The following INPP5E variants were observed in gnomAD, a reference collection of about 807,000 sequenced individuals.
INPP5E encodes inositol polyphosphate-5-phosphatase E, also known as phosphatidylinositol polyphosphate 5-phosphatase type IV.
INPP5E carries 34 observed loss-of-function variants against 50.5 expected under a neutral mutation model. The ratio of observed to expected loss-of-function variants is 0.67; its 90% CI spans 0.51 to 0.90. The LOEUF (loss-of-function observed/expected upper bound fraction) is 0.90, where lower values mean the gene tolerates loss of function less well. INPP5E is among the 40% of genes least tolerant of loss of function. INPP5E has a pLI of 0.00. For synonymous variants in INPP5E, 447 were observed against 406.0 expected (o/e 1.10, Z -1.21); for missense variants, 942 against 905.5 (o/e 1.04, Z -0.52).
chr9:136,429,185 A>C lies in INPP5E; in HGVS notation c.*490T>G. ...AGGTCTGAGGCCCCAGGGGTCACCT[A>C]GCCCAGATCCAGCCTTGCTCTGGAT... On this transcript the variant is annotated 3_prime_UTR_variant, in exon 10 of 10. Coordinates refer to ENST00000371712, the MANE Select transcript of INPP5E (RefSeq NM_019892.6). The C allele has an allele frequency of 4.3e-6, 1 of 233,100 alleles. No homozygotes were observed. The highest frequency in any genetic ancestry group is 8.7e-6 in the Non-Finnish European group (1 of 115,552). The allele number at this position is 233,100 out of a possible 1,614,324, so 14.4% of individuals were successfully genotyped here.
chr9:136,429,187 C>G lies in INPP5E; in HGVS notation c.*488G>C, dbSNP rs971437889. 1.2e-5 allele frequency: 3 copies of G among 241,514 alleles called. No individual in the cohort carries two copies. The East Asian group carries it at 2.9e-4, about 23-fold the overall frequency. 15.0% of individuals were successfully genotyped at this position (241,514 alleles called of 1,614,324 possible). ...GTCTGAGGCCCCAGGGGTCACCTAGCCCAGATCCAGCCTTGCTCTGGATAC... is the reference window on the plus strand; with the variant it reads ...GTCTGAGGCCCCAGGGGTCACCTAGGCCAGATCCAGCCTTGCTCTGGATAC... On this transcript the variant is annotated 3_prime_UTR_variant, in exon 10 of 10. Transcript: ENST00000371712.
rs1233289408 is a variant in INPP5E, at chr9:136,439,778, G to GGTA, written c.-362_-360dup. On this transcript the variant is annotated 5_prime_UTR_variant, in exon 1 of 10. Coordinates refer to ENST00000371712, the MANE Select transcript of INPP5E (RefSeq NM_019892.6). ...GGCTCGCAGACTCCGAAGTCGACCC[G>GGTA]GTACTCGCGGAGGCCCGGCCGCCCA... is the stretch of plus-strand genomic sequence containing the variant. 1 of 182,182 alleles carries GGTA rather than the reference G, an allele frequency of 5.5e-6. No homozygotes were observed. Among genetic ancestry groups the GGTA allele is most frequent in the Non-Finnish European group, 1.1e-5 (1 of 88,498 alleles). 11.3% of individuals were successfully genotyped at this position (182,182 alleles called of 1,614,324 possible).
chr9:136,437,766 TG>T, intron 1 of INPP5E: 1 of 152,606 alleles, frequency 6.6e-6, no homozygotes, highest in Non-Finnish European at 1.5e-5. Context: ...ACCATGGCAG[TG>T]GGGTGGGGGG....
intron 1 of INPP5E, 59 bp downstream of exon 1, chr9:136,438,549 G>A: frequency 7.0e-7 from 1 of 1,420,160 alleles, no homozygotes; most frequent in Non-Finnish European, 9.7e-7. Context: ...CGAGGTTCCA[G>A]CAGCCTGAAC....
chr9:136,432,129 C>A (rs1244981069), intron 6 of INPP5E, 144 bp from the exon 7 acceptor site: 2 of 1,000,346 alleles, frequency 2.0e-6, no homozygotes, highest in East Asian at 2.6e-5. Context: ...GGGTGGGATT[C>A]GCACTGGGAC....
Position 136,439,766 on chromosome 9 carries a change from C to T in INPP5E, c.-347G>A, listed in dbSNP as rs886063716. ...CACCCCTGGCTGGGCTCGCAGACTC[C>T]GAAGTCGACCCGGTACTCGCGGAGG... On this transcript the variant is annotated 5_prime_UTR_variant, in exon 1 of 10. Transcript: ENST00000371712. 5.1e-4 allele frequency: 100 copies of T among 197,806 alleles called. No homozygotes were observed. Among genetic ancestry groups the T allele is most frequent in the Middle Eastern group, 1.6e-3 (1 of 634 alleles). 12.3% of individuals were successfully genotyped at this position (197,806 alleles called of 1,614,324 possible).
At position 136,438,597 on chromosome 9, in the gene INPP5E, GCCCT is replaced by G. The variant is rs5901103; in HGVS notation, c.812+7_812+10del. ...GCGGCGCGGGCGCTGCACCCGCCAG[GCCCT>G]CCCTACCTGCTGCGGACGTCCTTGC... On this transcript the variant is annotated splice_region_variant and intron_variant, in intron 1 of 9. Transcript: ENST00000371712. 0.93 allele frequency: 1,438,073 copies of G among 1,550,996 alleles called. 667,162 individuals are homozygous for G. Among genetic ancestry groups the G allele is most frequent in the East Asian group, 1 (41,194 of 41,208 alleles).
In INPP5E at chr9:136,439,314, C is replaced by T; in HGVS notation, c.106G>A (p.Ala36Thr). Residue 36 changes from alanine (A) to threonine (T), a missense_variant, in exon 1 of 10, where the codon GCG (alanine) becomes ACG (threonine). Transcript: ENST00000371712. ...CCCGGAGCATCGGGTGGGGACCCCG[C>T]GCGCTGGGCCGGCGGAGCGCCGGGA... ...QLPGAPPAQR[A>T]GSPPDAPGSE... 1 of 1,406,004 alleles carries T rather than the reference C, an allele frequency of 7.1e-7. No homozygotes were observed. The highest frequency in any genetic ancestry group is 9.2e-7 in the Non-Finnish European group (1 of 1,089,544). 87.1% of individuals were successfully genotyped at this position (1,406,004 alleles called of 1,614,324 possible).
intron 7 of INPP5E, among the ~76,000 whole-genome samples, chr9:136,431,337 CCTCCA>C (rs1431895991): frequency 3.1e-3 from 1 of 324 alleles, no homozygotes. Context: ...TCCTCATCTC[CCTCCA>C]CGCCCGCCCC....
At position 136,439,139 on chromosome 9, in the gene INPP5E, C is replaced by A; in HGVS notation, c.281G>T (p.Arg94Met). The change falls in exon 1 of 10, where the codon AGG (arginine) becomes ATG (methionine). Residue 94 changes from arginine (R) to methionine (M), a missense_variant. Physicochemically the swap from Arg to Met is moderately conservative, Grantham distance 91. Transcript: ENST00000371712. ...GTCCTCCTGGCTGCCTCGAAAACGC[C>A]TCCTCCTCCAGCCCTTGTCGTCCAG... is the stretch of plus-strand genomic sequence containing the variant. ...LSLDDKGWRRRRFRGSQEDLE... is the reference protein window; with the variant it reads ...LSLDDKGWRRMRFRGSQEDLE... 1 of 1,583,020 alleles carries A rather than the reference C, an allele frequency of 6.3e-7. No individual in the cohort carries two copies. The highest frequency in any genetic ancestry group is 8.6e-7 in the Non-Finnish European group (1 of 1,168,694).
At position 136,439,096 on chromosome 9, in the gene INPP5E, C is replaced by T. The variant is rs764076054; in HGVS notation, c.324G>A (p.Gly108=). The change falls in exon 1 of 10, where the codon GGG becomes GGA. Residue 108 remains glycine, a synonymous_variant. Transcript: ENST00000371712. ...GCACTGAGCCCCTGGAGGGACTGGT[C>T]CCATTCCGGGCTTCCAGGTCCTCCT... ...GSQEDLEARN[G]TSPSRGSVQS... 3 of 1,579,262 alleles carry T rather than the reference C, an allele frequency of 1.9e-6. 1 individual carries two copies. In the South Asian group the frequency reaches 3.5e-5, roughly 18 times the overall value.
chr9:136,434,386 G>A (rs372183391), intron 2 of INPP5E, among the ~76,000 whole-genome samples: 3 of 152,238 alleles, frequency 2.0e-5, no homozygotes, highest in East Asian at 3.9e-4. Context: ...TGACCCTCCC[G>A]TCACCATGAC....
chr9:136,433,388 C>T, intron 3 of INPP5E, 109 bp from the exon 4 acceptor site: 3 of 1,443,492 alleles, frequency 2.1e-6, no homozygotes, highest in Non-Finnish European at 9.2e-7. Context: ...ACCCCACGAC[C>T]TGGCCTTGGT....
rs1258558365 is a variant in INPP5E at position 136,438,657 on chromosome 9, A to T, written c.763T>A (p.Ser255Thr). 1 of 1,585,248 alleles carries T rather than the reference A, an allele frequency of 6.3e-7. No homozygotes were observed. Among genetic ancestry groups the T allele is most frequent in the East Asian group, 2.3e-5 (1 of 43,402 alleles). ...CDDCSLRSAK[S>T]SFSLLAPIRS... is the part of the protein sequence containing the mutation. ...ATGGGCGCCAGGAGGCTGAAGGAGG[A>T]TTTGGCCGAGCGAAGGGAACAGTCG... The change falls in exon 1 of 10, where the codon TCC becomes ACC. Residue 255 changes from serine (S) to threonine (T), a missense_variant. Ser to Thr is a moderately conservative substitution (Grantham distance 58). Coordinates refer to ENST00000371712, the MANE Select transcript of INPP5E (RefSeq NM_019892.6).
chr9:136,434,404 C>A (rs1835783304), intron 2 of INPP5E, among the ~76,000 whole-genome samples: 1 of 152,330 alleles, frequency 6.6e-6, no homozygotes, highest in African/African-American at 2.4e-5. Context: ...GACCCCAGCC[C>A]GTGCTGCCCA....
intron 1 of INPP5E, chr9:136,436,062 G>A (rs1283808645): frequency 6.6e-6 from 1 of 152,232 alleles, no homozygotes; most frequent in Non-Finnish European, 1.5e-5. Flanking sequence ...GGGGACACGA[G>A]AGCATAGTGC....
chr9:136,432,382 G>C, intron 6 of INPP5E, 97 bp downstream of exon 6: 1 of 820,888 alleles, frequency 1.2e-6, no homozygotes, highest in Non-Finnish European at 2.0e-6. Context: ...GCTTCCCAAA[G>C]CTCAGGACGC....
Position 136,439,307 on chromosome 9 carries a change from G to C in INPP5E, c.113C>G (p.Ser38Cys). 2 of 1,412,478 alleles carry C rather than the reference G, an allele frequency of 1.4e-6. No homozygotes were observed. Among genetic ancestry groups the C allele is most frequent in the Non-Finnish European group, 1.8e-6 (2 of 1,092,796 alleles). The allele number at this position is 1,412,478 out of a possible 1,614,324, so 87.5% of individuals were successfully genotyped here. ...PGAPPAQRAG[S>C]PPDAPGSESP... The stretch of plus-strand genomic sequence containing the variant: ...CTCGGAGCCCGGAGCATCGGGTGGG[G>C]ACCCCGCGCGCTGGGCCGGCGGAGC... The change falls in exon 1 of 10, where the codon TCC becomes TGC. Residue 38 changes from serine to cysteine, a missense_variant. Physicochemically the swap from Ser to Cys is moderately radical, Grantham distance 112 (BLOSUM62 -1). Coordinates refer to ENST00000371712, the MANE Select transcript of INPP5E (RefSeq NM_019892.6).
rs1054685108 is a variant in INPP5E, at chr9:136,433,494, T to C, written c.1035-215A>G. On this transcript the variant is annotated intron_variant, in intron 3 of 9. Transcript: ENST00000371712. ...CCCAGTTCCACTTGAGTGGCTCCCC[T>C]GGACCCCCGCCGAGACCCCAGTGAG... Among the ~76,000 whole-genome samples, 532 of 152,194 alleles carry C rather than the reference T, an allele frequency of 3.5e-3. 4 individuals carry two copies. Among genetic ancestry groups the C allele is most frequent in the African/African-American group, 0.012 (507 of 41,542 alleles).
Sources: allele counts gnomAD v4.1 joint callset (sites outside exome capture counted in the v4.1 genomes callset), GRCh38; gene constraint gnomAD v4.1.1; transcripts MANE v1.5; gene names NCBI Gene and HGNC (gene_info 2026-07-23, HGNC 2026-07-21).